ABHD2: variants seen among roughly 807,000 people sequenced by gnomAD.
ABHD2 encodes the protein abhydrolase domain containing 2, acylglycerol lipase, also known as monoacylglycerol lipase ABHD2.
In ABHD2, 20 loss-of-function variants were observed where a neutral mutation model predicts 48.1. That is an observed-to-expected ratio of 0.42 (90% confidence interval 0.29 to 0.60). The LOEUF is 0.60. Ranked by LOEUF, ABHD2 falls within the 20% of genes least tolerant of loss-of-function variation. ABHD2 has a pLI of 0.24. For missense variants in ABHD2, 405 were observed against 550.9 expected, an observed-to-expected ratio of 0.74 and a Z score of 2.65; for synonymous variants, 209 against 214.2, an observed-to-expected ratio of 0.98 and a Z score of 0.21.
intron 3 of ABHD2, among the ~76,000 whole-genome samples, chr15:89,117,428 T>C (rs2049979280): frequency 6.6e-6 from 1 of 152,208 alleles, no homozygotes; most frequent in Non-Finnish European, 1.5e-5. Flanking sequence ...ACACATACTG[T>C]TTTCAAGAGA....
intron 1 of ABHD2, among the ~76,000 whole-genome samples, chr15:89,112,481 C>G (rs887519360): frequency 2.0e-5 from 3 of 152,116 alleles, no homozygotes; most frequent in African/African-American, 4.8e-5. Context: ...CTCTTCCGGC[C>G]CCACCTCACC....
In ABHD2 at chr15:89,201,491, T is replaced by G; in HGVS notation, c.*6068T>G. The G allele has an allele frequency of 3.2e-6, 5 of 1,565,350 alleles. No homozygotes were observed. Among genetic ancestry groups the G allele is most frequent in the Non-Finnish European group, 4.4e-6 (5 of 1,136,784 alleles). ...TTCCACACAGCTTCCATATCTGAAG[T>G]GTTTAGTGGAGCAAAAATTGTACCA... On this transcript the variant is annotated 3_prime_UTR_variant, in exon 11 of 11. Coordinates refer to ENST00000352732, the MANE Select transcript of ABHD2 (RefSeq NM_152924.5).
Position 89,184,525 on chromosome 15 carries a change from A to G in ABHD2, c.723-899A>G, listed in dbSNP as rs989469501. On this transcript the variant is annotated intron_variant, in intron 6 of 10. Transcript: ENST00000352732. This position sits in a 1 kb window ranked among gnomAD's most constrained non-coding sequence, Gnocchi z 5.1. ...CCGCCTGCGTTTGGATTCACGCCCA[A>G]GGGAGGAGAGCAGTGAGTGGGGAGG... Among the ~76,000 whole-genome samples, 2 of 152,130 alleles carry G rather than the reference A, an allele frequency of 1.3e-5. No homozygotes were observed. The highest frequency in any genetic ancestry group is 2.4e-5 in the African/African-American group (1 of 41,418).
chr15:89,180,305 A>G (rs1312893126), intron 6 of ABHD2, among the ~76,000 whole-genome samples: 1 of 151,990 alleles, frequency 6.6e-6, no homozygotes, highest in Non-Finnish European at 1.5e-5. Flanking sequence ...TATCAGTATA[A>G]TGAGAGACTC....
At chr15:89,143,606 G>A (rs1041820126) in intron 3 of ABHD2, among the ~76,000 whole-genome samples, 1 of 151,952 alleles carries the variant, frequency 6.6e-6, no homozygotes, top group African/African-American at 2.4e-5. Context: ...GGCGGAGGTT[G>A]CAGTGAGCCG....
chr15:89,188,883 TAA>T lies in ABHD2; in HGVS notation c.926+594_926+595del, dbSNP rs34046140. Among the ~76,000 whole-genome samples the T allele has an allele frequency of 1.0e-4, 14 of 135,532 alleles. No homozygotes were observed. The highest frequency in any genetic ancestry group is 1.3e-4 in the Non-Finnish European group (8 of 63,396). 88.9% of individuals were successfully genotyped at this position (135,532 alleles called of 152,430 possible). On this transcript the variant is annotated intron_variant, in intron 8 of 10. Coordinates refer to ENST00000352732, the MANE Select transcript of ABHD2 (RefSeq NM_152924.5). This position sits in a 1 kb window ranked among gnomAD's most constrained non-coding sequence, Gnocchi z 4.1. ...GACACAGCAAGACCCTTCTCAAAATTAAAAAAAAAAAAAAAGAAGTAGAAAAA... is the reference window on the plus strand; with the variant it reads ...GACACAGCAAGACCCTTCTCAAAATTAAAAAAAAAAAAAGAAGTAGAAAAA...
the ABHD2 span, among the ~76,000 whole-genome samples, chr15:89,074,376 A>G: frequency 2.5e-4 from 35 of 137,444 alleles, no homozygotes; most frequent in South Asian, 1.1e-3. Context: ...ACTCCATCTG[A>G]AAAAAAAAAA....
At chr15:89,195,000 G>A (rs1474766896) in intron 10 of ABHD2, among the ~76,000 whole-genome samples, 1 of 152,192 alleles carries the variant, frequency 6.6e-6, no homozygotes, top group Non-Finnish European at 1.5e-5. Flanking sequence ...GCTTTCTTCA[G>A]CTGGTGCCCA....
chr15:89,051,084 T>TG, the ABHD2 span, among the ~76,000 whole-genome samples: 3 of 152,004 alleles, frequency 2.0e-5, no homozygotes, highest in Admixed American at 2.0e-4. Context: ...AATACAAAAA[T>TG]TAGCTGGGCG....
chr15:89,132,915 C>G (rs2050242643), intron 3 of ABHD2, among the ~76,000 whole-genome samples: 1 of 152,178 alleles, frequency 6.6e-6, no homozygotes, highest in Non-Finnish European at 1.5e-5. Context: ...TGCCCACATA[C>G]CGTAGGGGAG....
intron 3 of ABHD2, among the ~76,000 whole-genome samples, chr15:89,124,239 C>A (rs2050098636): frequency 6.6e-6 from 1 of 152,178 alleles, no homozygotes; most frequent in Non-Finnish European, 1.5e-5. Context: ...TATGAAACGG[C>A]CACTTCTTCC....
Position 89,175,994 on chromosome 15 carries a change from A to C in ABHD2, c.721A>C (p.Arg241=). 6.3e-7 allele frequency: 1 copy of C among 1,592,240 alleles called. No homozygotes were observed. The highest frequency in any genetic ancestry group is 1.1e-5 in the South Asian group (1 of 89,404). Residue 241 remains arginine (R), a splice_region_variant and synonymous_variant, in exon 6 of 11, where the codon AGG becomes CGG. Transcript: ENST00000352732. The surrounding 1 kb of genome is among the most constrained non-coding windows in gnomAD (Gnocchi z 5.7). ...VSVCQGYSAL[R]AQETFMQWDQ... ...CGTGTGCCAGGGGTACAGTGCACTG[A>C]GGTGAGTCATCTCCGCCTTCCATCA...
At chr15:89,071,899 A>G in the ABHD2 span, among the ~76,000 whole-genome samples, 29,556 of 152,112 alleles carry the variant, frequency 0.19, 3,482 homozygotes, top group East Asian at 0.35. Context: ...GAAGTGGTGC[A>G]TGCCACTTTC....
In ABHD2 at chr15:89,200,935, A is replaced by G. The variant is rs964810694; in HGVS notation, c.*5512A>G. ...CTTCTCTACTAAAAATGCAAAAATTAGCTGGGTGTGGTGGCGGGCGCCTGT... is the reference window on the plus strand; with the variant it reads ...CTTCTCTACTAAAAATGCAAAAATTGGCTGGGTGTGGTGGCGGGCGCCTGT... On this transcript the variant is annotated 3_prime_UTR_variant, in exon 11 of 11. Transcript: ENST00000352732. 4.4e-6 allele frequency: 2 copies of G among 450,482 alleles called. No homozygotes were observed. Among genetic ancestry groups the G allele is most frequent in the Admixed American group, 7.9e-5 (2 of 25,362 alleles). 27.9% of individuals were successfully genotyped at this position (450,482 alleles called of 1,614,324 possible).
chr15:89,195,388 T>A lies in ABHD2; in HGVS notation c.1243T>A (p.Ser415Thr). ...ATGGGAGCGTAACAAGTTGCAGTGC[T>A]CTGACACGGAGCAGGTGGAGGCCGA... Reference protein sequence around the residue: ...CQWERNKLQCSDTEQVEADLE With the variant: ...CQWERNKLQCTDTEQVEADLE Residue 415 changes from serine (S) to threonine (T), a missense_variant, in exon 11 of 11, where the codon TCT becomes ACT. Physicochemically the swap from Ser to Thr is moderately conservative, Grantham distance 58. Transcript: ENST00000352732. The surrounding 1 kb of genome is among the most constrained non-coding windows in gnomAD (Gnocchi z 5.1). The A allele has an allele frequency of 6.2e-7, 1 of 1,614,148 alleles. No homozygotes were observed. Among genetic ancestry groups the A allele is most frequent in the Non-Finnish European group, 8.5e-7 (1 of 1,180,032 alleles).
At chr15:89,130,153 A>C (rs746951887) in intron 3 of ABHD2, among the ~76,000 whole-genome samples, 1 of 152,256 alleles carries the variant, frequency 6.6e-6, no homozygotes, top group Non-Finnish European at 1.5e-5. Context: ...ATTAAGTTGG[A>C]CATCGTATTA....
chr15:89,145,748 C>T (rs751909822), intron 3 of ABHD2, among the ~76,000 whole-genome samples: 4 of 152,128 alleles, frequency 2.6e-5, no homozygotes, highest in East Asian at 1.9e-4. Flanking sequence ...TTTTAGTTGC[C>T]GTACTCCTGG....
intron 3 of ABHD2, among the ~76,000 whole-genome samples, chr15:89,133,716 T>G (rs1397951081): frequency 6.6e-6 from 1 of 152,248 alleles, no homozygotes; most frequent in Non-Finnish European, 1.5e-5. Context: ...TCCTAATCAT[T>G]TGAGGGAGCT....
At chr15:89,152,181 T>C (rs926993028) in intron 4 of ABHD2, among the ~76,000 whole-genome samples, 2 of 151,592 alleles carry the variant, frequency 1.3e-5, no homozygotes, top group South Asian at 2.1e-4. Context: ...GTTCACTCCA[T>C]TCGCCTGCCT....
Sources: allele counts gnomAD v4.1 joint callset (sites outside exome capture counted in the v4.1 genomes callset), GRCh38; gene constraint gnomAD v4.1.1; non-coding constraint Gnocchi (gnomAD v3.1); transcripts MANE v1.5; gene names NCBI Gene and HGNC (gene_info 2026-07-23, HGNC 2026-07-21).